The following CSMD1 variants were observed in gnomAD, a reference collection of about 807,000 sequenced individuals.
CSMD1 encodes the protein CUB and sushi domain-containing protein 1.
In CSMD1, 213 loss-of-function variants were observed where a neutral mutation model predicts 417.5. The observed-to-expected ratio is 0.51, with a 90% CI of 0.46 to 0.57. The LOEUF is 0.57. Ranked by LOEUF, CSMD1 falls within the 20% of genes least tolerant of loss-of-function variation. The probability of loss-of-function intolerance (pLI) is 0.00; values close to 1 mark genes in which losing one functional copy is unlikely to be tolerated. For synonymous variants in CSMD1, 2,862 were observed against 1,736.8 expected, an observed-to-expected ratio of 1.65 and a Z score of -16.11; for missense variants, 6,923 against 4,529.7, an observed-to-expected ratio of 1.53 and a Z score of -15.17.
chr8:4,893,641 T>C (rs764048406), intron 1 of CSMD1, among the ~76,000 whole-genome samples: 9 of 152,154 alleles, frequency 5.9e-5, no homozygotes, highest in Admixed American at 1.3e-4. Context: ...CAATACATTT[T>C]ATGAGAAGCC....
intron 1 of CSMD1, among the ~76,000 whole-genome samples, chr8:4,826,035 T>G (rs12541421): frequency 0.025 from 3,862 of 152,120 alleles, 52 homozygotes; most frequent in Middle Eastern, 0.041. Flanking sequence ...TCACTGTCCA[T>G]TGAACATGAA....
At chr8:4,639,148 G>A (rs1353094072) in intron 1 of CSMD1, among the ~76,000 whole-genome samples, 2 of 151,972 alleles carry the variant, frequency 1.3e-5, no homozygotes, top group Non-Finnish European at 2.9e-5. Flanking sequence ...CACCTACTTT[G>A]CAGGGTGATT....
intron 2 of CSMD1, among the ~76,000 whole-genome samples, chr8:4,544,048 T>G (rs1371426541): frequency 2.0e-5 from 3 of 152,226 alleles, no homozygotes; most frequent in Non-Finnish European, 2.9e-5. Flanking sequence ...AATCCGTTTT[T>G]GCAATTACTT....
chr8:4,400,855 C>A (rs530557861), intron 3 of CSMD1, among the ~76,000 whole-genome samples: 1 of 150,486 alleles, frequency 6.6e-6, no homozygotes, highest in African/African-American at 2.5e-5. Context: ...TATTTAATAG[C>A]AGAAAAATTG....
chr8:3,528,354 C>A (rs954711952), intron 10 of CSMD1, among the ~76,000 whole-genome samples: 1 of 152,164 alleles, frequency 6.6e-6, no homozygotes, highest in African/African-American at 2.4e-5. Flanking sequence ...GGAAAGGTGA[C>A]AGGCACAAGA....
intron 3 of CSMD1, among the ~76,000 whole-genome samples, chr8:4,181,050 G>C (rs1798342406): frequency 6.6e-6 from 1 of 152,154 alleles, no homozygotes; most frequent in East Asian, 1.9e-4. Flanking sequence ...AAAAACTAAA[G>C]AGTCTCCAAA....
chr8:4,845,922 A>G lies in CSMD1; in HGVS notation c.85+148410T>C, dbSNP rs537147359. 5.8e-4 allele frequency among the ~76,000 whole-genome samples: 88 copies of G among 152,312 alleles called. 2 individuals carry two copies. In the South Asian group the frequency reaches 0.018, roughly 31 times the overall value. ...TAAAATGACAAGGTTACGCTAGCCT[A>G]TGAACTTTGCCTATTTTGCATACAC... On this transcript the variant is annotated intron_variant, in intron 1 of 69. Transcript: ENST00000635120.
chr8:3,092,204 A>G (rs1372114426), intron 47 of CSMD1, among the ~76,000 whole-genome samples: 1 of 152,208 alleles, frequency 6.6e-6, no homozygotes, highest in Non-Finnish European at 1.5e-5. Flanking sequence ...GGAGTTTTAA[A>G]AAAAGAATTG....
intron 4 of CSMD1, among the ~76,000 whole-genome samples, chr8:4,009,833 C>G (rs922830122): frequency 2.0e-5 from 3 of 152,084 alleles, no homozygotes; most frequent in Non-Finnish European, 4.4e-5. Context: ...AGAGTCAACC[C>G]CACTTACTTC....
intron 2 of CSMD1, among the ~76,000 whole-genome samples, chr8:4,510,710 C>G (rs1421161471): frequency 7.0e-6 from 1 of 143,160 alleles, no homozygotes; most frequent in Non-Finnish European, 1.5e-5. Flanking sequence ...CTTCCTTCCC[C>G]TTTCCCTTCC....
chr8:3,278,585 T>C (rs1271549376), intron 26 of CSMD1: 1 of 152,190 alleles, frequency 6.6e-6, no homozygotes, highest in Admixed American at 6.5e-5. Flanking sequence ...CTAATTCCAA[T>C]GTTTTAAATT....
intron 2 of CSMD1, among the ~76,000 whole-genome samples, chr8:4,585,349 G>C (rs780529794): frequency 9.2e-5 from 14 of 152,166 alleles, no homozygotes; most frequent in Non-Finnish European, 1.6e-4. Flanking sequence ...AAGAGGATTA[G>C]AGAACTAGAA....
At chr8:4,377,414 A>G (rs1802824889) in intron 3 of CSMD1, among the ~76,000 whole-genome samples, 1 of 152,134 alleles carries the variant, frequency 6.6e-6, no homozygotes, top group African/African-American at 2.4e-5. Context: ...AAATCTATTC[A>G]GTTTTCAATG....
intron 1 of CSMD1, among the ~76,000 whole-genome samples, chr8:4,823,978 G>T (rs186192227): frequency 1.5e-4 from 22 of 151,490 alleles, no homozygotes; most frequent in Admixed American, 7.3e-4. Context: ...ACACACCCAC[G>T]CATGGACACA....
intron 49 of CSMD1, among the ~76,000 whole-genome samples, chr8:3,078,799 G>A (rs1813876347): frequency 6.6e-6 from 1 of 152,126 alleles, no homozygotes; most frequent in Non-Finnish European, 1.5e-5. Flanking sequence ...CTGCTGCCTT[G>A]ACATTCAACA....
intron 1 of CSMD1, among the ~76,000 whole-genome samples, chr8:4,666,596 G>A (rs1462426320): frequency 6.6e-6 from 1 of 152,134 alleles, no homozygotes; most frequent in African/African-American, 2.4e-5. Context: ...AATTTATGCT[G>A]TTTCAAACCA....
chr8:3,955,612 T>C (rs549102696), intron 5 of CSMD1, among the ~76,000 whole-genome samples: 16 of 152,264 alleles, frequency 1.1e-4, no homozygotes, highest in African/African-American at 2.4e-4. Flanking sequence ...TTTTGTAGTA[T>C]TGAATATCTC....
chr8:4,625,976 G>C (rs1357769109), intron 2 of CSMD1, among the ~76,000 whole-genome samples: 4 of 152,044 alleles, frequency 2.6e-5, no homozygotes, highest in African/African-American at 9.7e-5. Context: ...TGCCCGCCTT[G>C]GTCTCCCAAA....
intron 3 of CSMD1, among the ~76,000 whole-genome samples, chr8:4,386,383 C>G (rs187219558): frequency 3.2e-4 from 49 of 152,030 alleles, no homozygotes; most frequent in Non-Finnish European, 6.2e-4. Flanking sequence ...CAGACATTCT[C>G]CTAAGTTCCA....
Sources: gnomAD v4.1 joint callset for allele counts (sites outside exome capture counted in the v4.1 genomes callset) on GRCh38, gnomAD v4.1.1 for gene constraint, MANE v1.5 for transcripts, NCBI Gene and HGNC (gene_info 2026-07-23, HGNC 2026-07-21) for gene names.